The following COL28A1 variants were observed in gnomAD, a reference collection of about 807,000 sequenced individuals.
The protein encoded by COL28A1 is collagen type XXVIII alpha 1 chain, also known as collagen alpha-1(XXVIII) chain.
In COL28A1, 161 loss-of-function variants were observed where a neutral mutation model predicts 150.2. That is an observed-to-expected ratio of 1.07 (90% CI 0.94 to 1.22). The LOEUF is 1.22. COL28A1 is among the 50% of genes most tolerant of loss of function. COL28A1 has a pLI of 0.00. For missense variants in COL28A1, 1,617 were observed against 1,388.3 expected, an observed-to-expected ratio of 1.16 and a Z score of -2.62; for synonymous variants, 552 against 469.7, an observed-to-expected ratio of 1.18 and a Z score of -2.26.
At chr7:7,377,765 T>C (rs896236070) in intron 30 of COL28A1, among the ~76,000 whole-genome samples, 2 of 140,072 alleles carry the variant, frequency 1.4e-5, no homozygotes, top group African/African-American at 2.7e-5. Flanking sequence ...GAGATGATCA[T>C]AGCAGCCAGT....
At chr7:7,528,257 CT>C in intron 3 of COL28A1, among the ~76,000 whole-genome samples, 1 of 152,234 alleles carries the variant, frequency 6.6e-6, no homozygotes, top group East Asian at 1.9e-4. Flanking sequence ...CTCTCTTACT[CT>C]TCTACAGGAC....
chr7:7,501,701 G>A (rs1471765802), intron 11 of COL28A1, among the ~76,000 whole-genome samples: 1 of 152,026 alleles, frequency 6.6e-6, no homozygotes, highest in African/African-American at 2.4e-5. Flanking sequence ...CTTTTTCAAG[G>A]GTCACATGTG....
At chr7:7,530,674 A>C (rs1719973390) in intron 3 of COL28A1, among the ~76,000 whole-genome samples, 1 of 151,368 alleles carries the variant, frequency 6.6e-6, no homozygotes, top group South Asian at 2.1e-4. Flanking sequence ...AGGCTTTTAT[A>C]CACAGCTGAG....
At chr7:7,351,432 A>G (rs1780228519), downstream of COL28A1, among the ~76,000 whole-genome samples, 1 of 152,218 alleles carries the variant, frequency 6.6e-6, no homozygotes, top group African/African-American at 2.4e-5. Context: ...TGCCCTTGGC[A>G]GAGATAATAA....
chr7:7,493,839 A>C (rs548318272), intron 11 of COL28A1, among the ~76,000 whole-genome samples: 23 of 138,356 alleles, frequency 1.7e-4, no homozygotes, highest in African/African-American at 6.0e-4. Flanking sequence ...TTCCTACCCC[A>C]GCCCTTAGCA....
the COL28A1 span, among the ~76,000 whole-genome samples, chr7:7,350,304 T>C: frequency 2.0e-5 from 3 of 152,110 alleles, no homozygotes; most frequent in African/African-American, 7.2e-5. Context: ...CTGCAGTCAT[T>C]GGCTGGGTGA....
chr7:7,371,013 G>A (rs1781198556), intron 32 of COL28A1, 131 bp from the exon 33 acceptor site: 6 of 647,918 alleles, frequency 9.3e-6, no homozygotes, highest in South Asian at 4.3e-5. Flanking sequence ...CTAAGTTAAC[G>A]AACTTATAAA....
At chr7:7,408,501 A>C (rs1783610740) in intron 27 of COL28A1, among the ~76,000 whole-genome samples, 1 of 152,198 alleles carries the variant, frequency 6.6e-6, no homozygotes, top group Admixed American at 6.5e-5. Context: ...ATTACATACT[A>C]TGCACTAATT....
chr7:7,524,888 T>A (rs1443381549), intron 3 of COL28A1, among the ~76,000 whole-genome samples: 1 of 152,154 alleles, frequency 6.6e-6, no homozygotes, highest in Non-Finnish European at 1.5e-5. Context: ...TCCAATATGA[T>A]ACTTTATTTA....
chr7:7,484,163 T>C (rs567344535), intron 13 of COL28A1, among the ~76,000 whole-genome samples: 1 of 152,110 alleles, frequency 6.6e-6, no homozygotes, highest in East Asian at 1.9e-4. Flanking sequence ...TCATAATTCC[T>C]CTACAGGAAA....
chr7:7,427,696 A>G (rs1216878798), intron 25 of COL28A1, among the ~76,000 whole-genome samples: 1 of 152,226 alleles, frequency 6.6e-6, no homozygotes, highest in Non-Finnish European at 1.5e-5. Flanking sequence ...CAAATAAAGC[A>G]TGTATTTACA....
At chr7:7,406,554 A>G (rs562820685) in intron 27 of COL28A1, among the ~76,000 whole-genome samples, 34 of 152,290 alleles carry the variant, frequency 2.2e-4, no homozygotes, top group African/African-American at 8.2e-4. Context: ...TATGAAAACA[A>G]TAAAACAGGA....
chr7:7,360,018 A>T (rs1780561561), intron 34 of COL28A1, among the ~76,000 whole-genome samples: 1 of 152,198 alleles, frequency 6.6e-6, no homozygotes, highest in Non-Finnish European at 1.5e-5. Flanking sequence ...CCTGTGCAAT[A>T]AAAGGATCAC....
chr7:7,344,420 T>G, the COL28A1 span, among the ~76,000 whole-genome samples: 167 of 152,258 alleles, frequency 1.1e-3, no homozygotes, highest in African/African-American at 3.5e-3. Context: ...TTTTAATAGT[T>G]GGTCTAGTGA....
chr7:7,417,537 GGA>G (rs1233279364), intron 27 of COL28A1: 206 of 88,048 alleles, frequency 2.3e-3, no homozygotes, highest in African/African-American at 6.1e-3. Context: ...AGGGAGGGAG[GGA>G]GGGGGGGGGG....
intron 27 of COL28A1, among the ~76,000 whole-genome samples, chr7:7,413,343 C>T (rs140493330): frequency 1.4e-4 from 22 of 152,294 alleles, no homozygotes; most frequent in African/African-American, 4.8e-4. Context: ...TACTTCAGAG[C>T]AACAAATGAC....
intron 20 of COL28A1, among the ~76,000 whole-genome samples, chr7:7,441,105 C>A (rs925713975): frequency 6.6e-6 from 1 of 152,154 alleles, no homozygotes; most frequent in Admixed American, 6.5e-5. Flanking sequence ...AGTTTTGTAT[C>A]TTTCTTTTGG....
At position 7,397,074 on chromosome 7, in the gene COL28A1, C is replaced by T. The variant is rs1273535169; in HGVS notation, c.2137-15462G>A. On this transcript the variant is annotated intron_variant, in intron 27 of 34. Coordinates refer to ENST00000399429, the MANE Select transcript of COL28A1 (RefSeq NM_001037763.3). ...TTTCTATTGCTGTTGTAATGAATTG[C>T]CATGAATTTAGTGGTATTCTCTTAC... 3.3e-5 allele frequency among the ~76,000 whole-genome samples: 5 copies of T among 152,126 alleles called. No homozygotes were observed. The South Asian group carries it at 8.3e-4, about 25-fold the overall frequency.
rs550912111 is a variant in COL28A1 at position 7,373,825 on chromosome 7, G to A, written c.2360-279C>T. Among the ~76,000 whole-genome samples the A allele has an allele frequency of 5.3e-5, 8 of 150,708 alleles. No homozygotes were observed. Among genetic ancestry groups the A allele is most frequent in the Non-Finnish European group, 8.9e-5 (6 of 67,760 alleles). ...CGCCATTCTCCAGCCTCAGCCTCCC[G>A]AGTAGCTGGGACTACAGGCGCCCGC... On this transcript the variant is annotated intron_variant, in intron 31 of 34. Transcript: ENST00000399429. This position sits in a 1 kb window ranked among gnomAD's most constrained non-coding sequence, Gnocchi z 4.1.
Sources: gnomAD v4.1 joint callset for allele counts (sites outside exome capture counted in the v4.1 genomes callset) on GRCh38, gnomAD v4.1.1 for gene constraint, Gnocchi (gnomAD v3.1) non-coding constraint, MANE v1.5 for transcripts, NCBI Gene and HGNC (gene_info 2026-07-23, HGNC 2026-07-21) for gene names.